ST6GALNAC1: variants seen among roughly 807,000 people sequenced by gnomAD.
ST6GALNAC1 encodes the protein alpha-N-acetylgalactosaminide alpha-2,6-sialyltransferase 1.
A neutral mutation model predicts 56.8 loss-of-function variants in ST6GALNAC1; 45 were observed. The ratio of observed to expected loss-of-function variants is 0.79; its 90% confidence interval spans 0.62 to 1.02. The LOEUF (loss-of-function observed/expected upper bound fraction) is 1.02. ST6GALNAC1 is among the 50% of genes least tolerant of loss of function. ST6GALNAC1 has a pLI of 0.00. For synonymous variants in ST6GALNAC1, 295 were observed against 297.8 expected (o/e 0.99, Z 0.10); for missense variants, 743 against 754.8 (o/e 0.98, Z 0.18).
intron 1 of ST6GALNAC1, among the ~76,000 whole-genome samples, chr17:76,637,272 T>TAAAAAAAAAAAAAA (rs771644279): frequency 8.8e-4 from 16 of 18,168 alleles, no homozygotes; most frequent in Admixed American, 2.6e-3. Flanking sequence ...CAATAAATAC[T>TAAAAAAAAAAAAAA]AAAAAAAAAA....
chr17:76,623,215 T>G (rs1450399525), downstream of ST6GALNAC1, among the ~76,000 whole-genome samples: 1 of 152,244 alleles, frequency 6.6e-6, no homozygotes, highest in African/African-American at 2.4e-5. Flanking sequence ...TCCATTTCAC[T>G]GGTCTGTCTA....
chr17:76,629,785 T>TG, intron 1 of ST6GALNAC1, 74 bp from the exon 2 acceptor site: 5 of 875,318 alleles, frequency 5.7e-6, no homozygotes, highest in South Asian at 2.2e-5. Context: ...AGTTTTTTGT[T>TG]TTTTTTTTTT....
At position 76,627,793 on chromosome 17, in the gene ST6GALNAC1, G is replaced by A. The variant is rs1213999713; in HGVS notation, c.832-210C>T. Among the ~76,000 whole-genome samples the A allele has an allele frequency of 1.3e-5, 2 of 152,112 alleles. No homozygotes were observed. Among genetic ancestry groups the A allele is most frequent in the South Asian group, 2.1e-4 (1 of 4,826 alleles). The stretch of plus-strand genomic sequence containing the variant: ...AGGGTTCTGGGAAATGGGTGTTCTC[G>A]GCCATCGAGGCAAATGCACCTAGGC... On this transcript the variant is annotated intron_variant, in intron 2 of 8. Transcript: ENST00000156626. The surrounding 1 kb of genome is among the most constrained non-coding windows in gnomAD (Gnocchi z 4.4).
intron 1 of ST6GALNAC1, among the ~76,000 whole-genome samples, chr17:76,641,234 A>T (rs1490562814): frequency 6.6e-6 from 1 of 152,158 alleles, no homozygotes; most frequent in Non-Finnish European, 1.5e-5. Flanking sequence ...TTAAAAGGTA[A>T]CCTGACGCTT....
Position 76,624,992 on chromosome 17 carries a change from T to C in ST6GALNAC1, c.*338A>G, listed in dbSNP as rs2075775397. On this transcript the variant is annotated 3_prime_UTR_variant, in exon 9 of 9. Transcript: ENST00000156626. Reference sequence around the variant, plus strand: ...CGATCTGGAATTCAAACCAGATCTATATGTTTCTGTAAATCCAGGCTCTTT... The same window carrying C: ...CGATCTGGAATTCAAACCAGATCTACATGTTTCTGTAAATCCAGGCTCTTT... 2 of 330,526 alleles carry C rather than the reference T, an allele frequency of 6.1e-6. No homozygotes were observed. Among genetic ancestry groups the C allele is most frequent in the Non-Finnish European group, 1.1e-5 (2 of 179,284 alleles). 20.5% of individuals were successfully genotyped at this position (330,526 alleles called of 1,614,324 possible).
At chr17:76,633,117 G>A (rs1285812082) in intron 1 of ST6GALNAC1, among the ~76,000 whole-genome samples, 2 of 151,874 alleles carry the variant, frequency 1.3e-5, no homozygotes, top group Non-Finnish European at 2.9e-5. Flanking sequence ...GCTGAGGCAC[G>A]AGAGTTGCTC....
intron 1 of ST6GALNAC1, among the ~76,000 whole-genome samples, chr17:76,641,037 G>A (rs1347728535): frequency 6.6e-6 from 1 of 152,184 alleles, no homozygotes; most frequent in African/African-American, 2.4e-5. Flanking sequence ...CAGGCATTGT[G>A]AAGACCTTGT....
At chr17:76,639,565 A>T (rs2076018367) in intron 1 of ST6GALNAC1, among the ~76,000 whole-genome samples, 1 of 151,886 alleles carries the variant, frequency 6.6e-6, no homozygotes, top group South Asian at 2.1e-4. Context: ...ACAGACCCAG[A>T]CTCCATCTCG....
At chr17:76,617,865 CTGTT>C in the ST6GALNAC1 span, among the ~76,000 whole-genome samples, 1 of 152,046 alleles carries the variant, frequency 6.6e-6, no homozygotes, top group Non-Finnish European at 1.5e-5. Context: ...AAGGTCCTGT[CTGTT>C]TGACATAGTT....
chr17:76,635,637 A>T (rs1384351035), intron 1 of ST6GALNAC1, among the ~76,000 whole-genome samples: 1 of 152,242 alleles, frequency 6.6e-6, no homozygotes, highest in Non-Finnish European at 1.5e-5. Context: ...ACTCTGTCTC[A>T]AAACAACAAC....
At chr17:76,622,091 G>C (rs936585320), downstream of ST6GALNAC1, among the ~76,000 whole-genome samples, 2 of 151,038 alleles carry the variant, frequency 1.3e-5, no homozygotes, top group African/African-American at 4.9e-5. Context: ...GAGCCACTGC[G>C]CCTGGCCTGC....
intron 1 of ST6GALNAC1, among the ~76,000 whole-genome samples, chr17:76,634,116 T>A (rs2075944164): frequency 6.6e-6 from 1 of 152,240 alleles, no homozygotes. Context: ...CCGCCTTCTA[T>A]GGCATGGAGA....
chr17:76,622,854 C>T (rs548156154), downstream of ST6GALNAC1, among the ~76,000 whole-genome samples: 297 of 149,958 alleles, frequency 2.0e-3, 1 homozygote, highest in African/African-American at 7.0e-3. Context: ...AGTGCAATGT[C>T]GCGATCTCTG....
chr17:76,626,464 G>C (rs540927521), intron 5 of ST6GALNAC1, 72 bp from the exon 6 acceptor site: 26 of 1,536,086 alleles, frequency 1.7e-5, no homozygotes, highest in Middle Eastern at 2.2e-4. Flanking sequence ...GCCCAGCTCT[G>C]ACTCCGACTG....
At position 76,627,629 on chromosome 17, in the gene ST6GALNAC1, C is replaced by T; in HGVS notation, c.832-46G>A. 3 of 1,590,262 alleles carry T rather than the reference C, an allele frequency of 1.9e-6. No homozygotes were observed. The highest frequency in any genetic ancestry group is 2.6e-6 in the Non-Finnish European group (3 of 1,165,260). ...TCAGGAAGGGAGAGACCCAGAAAGG[C>T]CATCGGCCAGGGGCTGCACCACTGC... On this transcript the variant is annotated intron_variant, in intron 2 of 8. Coordinates refer to ENST00000156626, the MANE Select transcript of ST6GALNAC1 (RefSeq NM_018414.5). The surrounding 1 kb of genome is among the most constrained non-coding windows in gnomAD (Gnocchi z 4.4).
chr17:76,642,656 C>T (rs939475816), intron 1 of ST6GALNAC1, among the ~76,000 whole-genome samples: 5 of 152,066 alleles, frequency 3.3e-5, no homozygotes, highest in South Asian at 2.1e-4. Context: ...ATTGGCTGGG[C>T]GCAGTGGCTC....
intron 1 of ST6GALNAC1, among the ~76,000 whole-genome samples, chr17:76,631,893 C>T (rs1208763040): frequency 1.3e-5 from 2 of 152,172 alleles, no homozygotes; most frequent in African/African-American, 4.8e-5. Flanking sequence ...CCCAAAATAT[C>T]CATTCTGAAA....
At position 76,626,073 on chromosome 17, in the gene ST6GALNAC1, G is replaced by A. The variant is rs376555341; in HGVS notation, c.1438C>T (p.Arg480Trp). 31 of 1,614,134 alleles carry A rather than the reference G, an allele frequency of 1.9e-5. No homozygotes were observed. The highest frequency in any genetic ancestry group is 3.3e-4 in the Middle Eastern group (2 of 6,062). The change falls in exon 7 of 9, where the codon CGG becomes TGG. Residue 480 changes from arginine to tryptophan, a missense_variant. By Grantham distance (101) the Arg-to-Trp change is moderately radical. Coordinates refer to ENST00000156626, the MANE Select transcript of ST6GALNAC1 (RefSeq NM_018414.5). ...TACCTGTCCATGTGCAGGGCTTCCC[G>A]AAAAGCTTCCTGGGGTCTGTGCCTG... is the stretch of plus-strand genomic sequence containing the variant. The part of the protein sequence containing the change: ...WFRHRPQEAF[R>W]EALHMDRYLL...
Position 76,627,336 on chromosome 17 carries a change from A to G in ST6GALNAC1, c.1000+79T>C. On this transcript the variant is annotated intron_variant, in intron 3 of 8. Transcript: ENST00000156626. This position sits in a 1 kb window ranked among gnomAD's most constrained non-coding sequence, Gnocchi z 4.4. ...GTCTGGCAAACCCCAGGGAAGAGGC[A>G]GACCAGAAAGCCAGCTGCCCTCTGC... is the stretch of plus-strand genomic sequence containing the variant. 1.3e-6 allele frequency: 2 copies of G among 1,581,454 alleles called. No individual in the cohort carries two copies. The highest frequency in any genetic ancestry group is 2.3e-5 in the South Asian group (2 of 85,862).
Sources: gnomAD v4.1 joint callset for allele counts (sites outside exome capture counted in the v4.1 genomes callset) on GRCh38, gnomAD v4.1.1 for gene constraint, Gnocchi (gnomAD v3.1) non-coding constraint, MANE v1.5 for transcripts, NCBI Gene and HGNC (gene_info 2026-07-23, HGNC 2026-07-21) for gene names.